The following FAM78A variants were observed in gnomAD, a reference collection of about 807,000 sequenced individuals.
FAM78A encodes the protein protein FAM78A.
A neutral mutation model predicts 22.6 loss-of-function variants in FAM78A; 12 were observed. That is an observed-to-expected ratio of 0.53 (90% CI 0.34 to 0.86). The LOEUF is 0.86. Ranked by LOEUF, FAM78A falls within the 40% of genes least tolerant of loss-of-function variation. The pLI, the probability that FAM78A is intolerant of heterozygous loss-of-function variation, is 0.02. For synonymous variants in FAM78A, 151 were observed against 155.8 expected (o/e 0.97, Z 0.23); for missense variants, 322 against 396.1 (o/e 0.81, Z 1.59).
chr9:131,261,895 G>A lies in FAM78A; in HGVS notation c.324-545C>T, dbSNP rs932800834. Among the ~76,000 whole-genome samples, 4 of 152,136 alleles carry A rather than the reference G, an allele frequency of 2.6e-5. No homozygotes were observed. Among genetic ancestry groups the A allele is most frequent in the Admixed American group, 1.3e-4 (2 of 15,266 alleles). ...CCCACTGCGCCTTCTGCTCACCTAC[G>A]TGCACAGCGGGTACTCCCAGGAACA... On this transcript the variant is annotated intron_variant, in intron 1 of 1. Coordinates refer to ENST00000372271, the MANE Select transcript of FAM78A (RefSeq NM_033387.4). The surrounding 1 kb of genome is among the most constrained non-coding windows in gnomAD (Gnocchi z 7.1).
At position 131,260,705 on chromosome 9, in the gene FAM78A, C is replaced by T. The variant is rs1224401797; in HGVS notation, c.*117G>A. 1.3e-5 allele frequency: 17 copies of T among 1,332,670 alleles called. No individual in the cohort carries two copies. The Admixed American group carries it at 1.3e-4, about 10-fold the overall frequency. The allele number at this position is 1,332,670 out of a possible 1,614,324, so 82.6% of individuals were successfully genotyped here. ...CCGGGGGCATCAGCACAGTGAGATC[C>T]GCCCGCTGGAGAGGGTAGAATGGTT... On this transcript the variant is annotated 3_prime_UTR_variant, in exon 2 of 2. Coordinates refer to ENST00000372271, the MANE Select transcript of FAM78A (RefSeq NM_033387.4). The surrounding 1 kb of genome is among the most constrained non-coding windows in gnomAD (Gnocchi z 5.4).
Position 131,264,671 on chromosome 9 carries a change from C to T in FAM78A, c.324-3321G>A, listed in dbSNP as rs182065301. 8.7e-5 allele frequency: 62 copies of T among 713,864 alleles called. No homozygotes were observed. In the East Asian group the frequency reaches 1.1e-3, roughly 13 times the overall value. 44.2% of individuals were successfully genotyped at this position (713,864 alleles called of 1,614,324 possible). Reference sequence around the variant, plus strand: ...CAGTTAGAAGTGTGCCTCTCCCAGACCAGGTAGCCCTGATTTGACCCAAAG... The same window carrying T: ...CAGTTAGAAGTGTGCCTCTCCCAGATCAGGTAGCCCTGATTTGACCCAAAG... On this transcript the variant is annotated intron_variant, in intron 1 of 1. Transcript: ENST00000372271.
At chr9:131,270,476 G>A (rs1355249448) in intron 1 of FAM78A, 1 of 716,914 alleles carries the variant, frequency 1.4e-6, no homozygotes, top group Admixed American at 2.0e-5. Context: ...TCCAATGTTT[G>A]TTTCCAGTGC....
intron 1 of FAM78A, chr9:131,270,330 G>T: frequency 1.4e-6 from 1 of 717,588 alleles, no homozygotes; most frequent in South Asian, 1.5e-5. Flanking sequence ...AGGTGAAGAC[G>T]CTTCCTTCCC....
chr9:131,275,315 A>C lies in FAM78A; in HGVS notation c.323+542T>G, dbSNP rs1290313556. 1.3e-5 allele frequency among the ~76,000 whole-genome samples: 2 copies of C among 152,228 alleles called. No homozygotes were observed. Among genetic ancestry groups the C allele is most frequent in the African/African-American group, 4.8e-5 (2 of 41,464 alleles). ...TCTAAAACTAACTGTGCTCTCAAAC[A>C]CAGTGCCGTTTGGAACGGGGAAGCA... is the stretch of plus-strand genomic sequence containing the variant. On this transcript the variant is annotated intron_variant, in intron 1 of 1. Transcript: ENST00000372271. This position sits in a 1 kb window ranked among gnomAD's most constrained non-coding sequence, Gnocchi z 4.6.
rs978839191 is a variant in FAM78A, at chr9:131,276,291, A to G, written c.-112T>C. The G allele has an allele frequency of 4.9e-6, 4 of 809,234 alleles. No individual in the cohort carries two copies. The highest frequency in any genetic ancestry group is 7.7e-6 in the Non-Finnish European group (4 of 520,672). 50.1% of individuals were successfully genotyped at this position (809,234 alleles called of 1,614,324 possible). On this transcript the variant is annotated 5_prime_UTR_variant, in exon 1 of 2. Coordinates refer to ENST00000372271, the MANE Select transcript of FAM78A (RefSeq NM_033387.4). The surrounding 1 kb of genome is among the most constrained non-coding windows in gnomAD (Gnocchi z 4.3). ...CTCACTGAGTAGACTGGGGTTGCAT[A>G]TATCACTACCGCGGCCTGTTTATAA...
chr9:131,261,408 C>T lies in FAM78A; in HGVS notation c.324-58G>A, dbSNP rs1835267617. 6.8e-6 allele frequency: 10 copies of T among 1,468,278 alleles called. No homozygotes were observed. The highest frequency in any genetic ancestry group is 4.2e-5 in the African/African-American group (3 of 71,064). 91.0% of individuals were successfully genotyped at this position (1,468,278 alleles called of 1,614,324 possible). A position where few individuals can be genotyped will look rare whatever the true frequency, so the allele number is the denominator to read the frequency against. Reference sequence around the variant, plus strand: ...GTCACTCAAGGAGGGCTTTCTGTGTCCCCCTGGCAGGCCAGGGGCTGTCCT... The same window carrying T: ...GTCACTCAAGGAGGGCTTTCTGTGTTCCCCTGGCAGGCCAGGGGCTGTCCT... On this transcript the variant is annotated intron_variant, in intron 1 of 1. Transcript: ENST00000372271. This position sits in a 1 kb window ranked among gnomAD's most constrained non-coding sequence, Gnocchi z 7.1.
intron 1 of FAM78A, among the ~76,000 whole-genome samples, chr9:131,269,821 A>G (rs950121568): frequency 6.6e-6 from 1 of 152,062 alleles, no homozygotes; most frequent in Non-Finnish European, 1.5e-5. Context: ...CGTGATCATT[A>G]ACTCACTTGT....
chr9:131,268,490 G>T (rs1476009184), intron 1 of FAM78A, among the ~76,000 whole-genome samples: 1 of 152,134 alleles, frequency 6.6e-6, no homozygotes, highest in African/African-American at 2.4e-5. Flanking sequence ...ATTCCTTCTG[G>T]GACCCAGACA....
chr9:131,266,520 C>A (rs1475103270), intron 1 of FAM78A, among the ~76,000 whole-genome samples: 4 of 151,938 alleles, frequency 2.6e-5, no homozygotes, highest in Non-Finnish European at 4.4e-5. Flanking sequence ...TCCTCCTCCT[C>A]CCCCCCACTT....
Position 131,260,755 on chromosome 9 carries a change from T to G in FAM78A, c.*67A>C. ...TGTATCTTGCTGAATGACTGAAGAGTGAGTCTGAGTTTTGTTTTCAGCGGT... is the reference window on the plus strand; with the variant it reads ...TGTATCTTGCTGAATGACTGAAGAGGGAGTCTGAGTTTTGTTTTCAGCGGT... On this transcript the variant is annotated 3_prime_UTR_variant, in exon 2 of 2. Coordinates refer to ENST00000372271, the MANE Select transcript of FAM78A (RefSeq NM_033387.4). This position sits in a 1 kb window ranked among gnomAD's most constrained non-coding sequence, Gnocchi z 5.4. 4 of 1,470,236 alleles carry G rather than the reference T, an allele frequency of 2.7e-6. No individual in the cohort carries two copies. The highest frequency in any genetic ancestry group is 1.4e-5 in the South Asian group (1 of 71,946). The allele number at this position is 1,470,236 out of a possible 1,614,324, so 91.1% of individuals were successfully genotyped here.
At position 131,276,141 on chromosome 9, in the gene FAM78A, C is replaced by A. The variant is rs1347201238; in HGVS notation, c.39G>T (p.Glu13Asp). ...GFFCDCWPSL[E>D]IRALLYAMGC... ...CCATGGCATACAGGAGCGCTCTGAT[C>A]TCCAGGGAAGGCCAGCAGTCACAGA... is the stretch of plus-strand genomic sequence containing the variant. The change falls in exon 1 of 2, where the codon GAG becomes GAT. Residue 13 changes from glutamate to aspartate, a missense_variant. Physicochemically the swap from Glu to Asp is conservative, Grantham distance 45. Coordinates refer to ENST00000372271, the MANE Select transcript of FAM78A (RefSeq NM_033387.4). The surrounding 1 kb of genome is among the most constrained non-coding windows in gnomAD (Gnocchi z 4.3). 1 of 1,613,234 alleles carries A rather than the reference C, an allele frequency of 6.2e-7. No homozygotes were observed. The highest frequency in any genetic ancestry group is 1.3e-5 in the African/African-American group (1 of 74,924).
Position 131,274,975 on chromosome 9 carries a change from C to T in FAM78A, c.323+882G>A, listed in dbSNP as rs1456322041. 1.3e-5 allele frequency among the ~76,000 whole-genome samples: 2 copies of T among 152,228 alleles called. No homozygotes were observed. Among genetic ancestry groups the T allele is most frequent in the Non-Finnish European group, 2.9e-5 (2 of 68,040 alleles). On this transcript the variant is annotated intron_variant, in intron 1 of 1. Transcript: ENST00000372271. The surrounding 1 kb of genome is among the most constrained non-coding windows in gnomAD (Gnocchi z 4.2). Reference sequence around the variant, plus strand: ...TTACGCTCAGAAACAGCTATTTTCACCATCCCTGTCTTAGGGTGAACCTTC... The same window carrying T: ...TTACGCTCAGAAACAGCTATTTTCATCATCCCTGTCTTAGGGTGAACCTTC...
At chr9:131,279,760 T>G (rs532610841), upstream of FAM78A, among the ~76,000 whole-genome samples, 1 of 152,228 alleles carries the variant, frequency 6.6e-6, no homozygotes, top group African/African-American at 2.4e-5. Flanking sequence ...AGGCGTTACA[T>G]TGAGCAGGCA....
rs1835437797 is a variant in FAM78A at position 131,272,909 on chromosome 9, G to A, written c.323+2948C>T. ...TTGGCACCATTGCACTCCAGCCTGG[G>A]CGACAAGAATAAGACTCTGTCTCAA... is the stretch of plus-strand genomic sequence containing the variant. On this transcript the variant is annotated intron_variant, in intron 1 of 1. Transcript: ENST00000372271. The surrounding 1 kb of genome is among the most constrained non-coding windows in gnomAD (Gnocchi z 4.1). 6.6e-6 allele frequency among the ~76,000 whole-genome samples: 1 copy of A among 152,054 alleles called. No homozygotes were observed. Among genetic ancestry groups the A allele is most frequent in the African/African-American group, 2.4e-5 (1 of 41,372 alleles).
Position 131,276,322 on chromosome 9 carries a change from G to A in FAM78A, c.-143C>T. ...CTACCGCGGCCTGTTTATAAATAAG[G>A]ATTCTGCTGCATTTCATGAGCCCTG... On this transcript the variant is annotated 5_prime_UTR_variant, in exon 1 of 2. Transcript: ENST00000372271. The surrounding 1 kb of genome is among the most constrained non-coding windows in gnomAD (Gnocchi z 4.3). 1 of 633,266 alleles carries A rather than the reference G, an allele frequency of 1.6e-6. No homozygotes were observed. The highest frequency in any genetic ancestry group is 2.7e-6 in the Non-Finnish European group (1 of 374,596). The allele number at this position is 633,266 out of a possible 1,614,324, so 39.2% of individuals were successfully genotyped here.
Position 131,274,682 on chromosome 9 carries a change from A to T in FAM78A, c.323+1175T>A, listed in dbSNP as rs539959957. Among the ~76,000 whole-genome samples the T allele has an allele frequency of 1.3e-5, 2 of 152,146 alleles. No homozygotes were observed. The highest frequency in any genetic ancestry group is 4.2e-4 in the South Asian group (2 of 4,814). On this transcript the variant is annotated intron_variant, in intron 1 of 1. Coordinates refer to ENST00000372271, the MANE Select transcript of FAM78A (RefSeq NM_033387.4). The surrounding 1 kb of genome is among the most constrained non-coding windows in gnomAD (Gnocchi z 4.2). ...CAGACTTGGTGTCCCGCCATCCTCCACCCCTCTCATTTACAGGTGGCCCAT... is the reference window on the plus strand; with the variant it reads ...CAGACTTGGTGTCCCGCCATCCTCCTCCCCTCTCATTTACAGGTGGCCCAT...
chr9:131,259,061 C>A lies in FAM78A; in HGVS notation c.*1761G>T, dbSNP rs945033365. 1 of 152,694 alleles carries A rather than the reference C, an allele frequency of 6.5e-6. No individual in the cohort carries two copies. 9.5% of individuals were successfully genotyped at this position (152,694 alleles called of 1,614,324 possible). ...GGACTTTGGTTCCCACACCGTCCCACGCTGTCACGGAGACTCTTACAAGTG... is the reference window on the plus strand; with the variant it reads ...GGACTTTGGTTCCCACACCGTCCCAAGCTGTCACGGAGACTCTTACAAGTG... On this transcript the variant is annotated 3_prime_UTR_variant, in exon 2 of 2. Transcript: ENST00000372271.
rs768038542 is a variant in FAM78A at position 131,270,288 on chromosome 9, T to C, written c.323+5569A>G. On this transcript the variant is annotated intron_variant, in intron 1 of 1. Transcript: ENST00000372271. The stretch of plus-strand genomic sequence containing the variant: ...CAGCTGAGCTCACCTCTCAGCATCC[T>C]CACCTGCCTCAACTGTCCTCCCACA... 5 of 717,424 alleles carry C rather than the reference T, an allele frequency of 7.0e-6. No homozygotes were observed. In the South Asian group the frequency reaches 7.4e-5, roughly 11 times the overall value. 44.4% of individuals were successfully genotyped at this position (717,424 alleles called of 1,614,324 possible). A position where few individuals can be genotyped will look rare whatever the true frequency, so the allele number is the denominator to read the frequency against.
Sources: gnomAD v4.1 joint callset for allele counts (sites outside exome capture counted in the v4.1 genomes callset) on GRCh38, gnomAD v4.1.1 for gene constraint, Gnocchi (gnomAD v3.1) non-coding constraint, MANE v1.5 for transcripts, NCBI Gene and HGNC (gene_info 2026-07-23, HGNC 2026-07-21) for gene names.